Variants in PTPRD observed in about 807,000 individuals in gnomAD.
PTPRD encodes the protein receptor-type tyrosine-protein phosphatase delta.
A neutral mutation model predicts 214.5 loss-of-function variants in PTPRD; 34 were observed. The ratio of observed to expected loss-of-function variants is 0.16; its 90% confidence interval spans 0.12 to 0.21. The LOEUF is 0.21. Ranked by LOEUF, PTPRD falls within the 10% of genes least tolerant of loss-of-function variation. The pLI is 1.00. For missense variants in PTPRD, 2,545 were observed against 2,398.7 expected, an observed-to-expected ratio of 1.06 and a Z score of -1.27; for synonymous variants, 1,128 against 845.7, an observed-to-expected ratio of 1.33 and a Z score of -5.79.
intron 11 of PTPRD, among the ~76,000 whole-genome samples, chr9:8,900,285 T>A (rs2098657031): frequency 6.6e-6 from 1 of 152,226 alleles, no homozygotes; most frequent in Non-Finnish European, 1.5e-5. Context: ...CAACAGGTTA[T>A]CATACCATTA....
intron 4 of PTPRD, among the ~76,000 whole-genome samples, chr9:9,957,669 A>T (rs1320233382): frequency 6.6e-6 from 1 of 152,110 alleles, no homozygotes; most frequent in Non-Finnish European, 1.5e-5. Flanking sequence ...TTAACACAAT[A>T]TTAGTGATAC....
chr9:9,713,312 A>G (rs189112585), intron 7 of PTPRD, among the ~76,000 whole-genome samples: 30 of 152,292 alleles, frequency 2.0e-4, no homozygotes, highest in African/African-American at 6.3e-4. Context: ...TAGAATGGGG[A>G]AAGGGAATAT....
Position 8,644,333 on chromosome 9 carries a change from G to C in PTPRD, c.65-7489C>G, listed in dbSNP as rs1210500868. Reference sequence around the variant, plus strand: ...GAGACGGAGAGAAGATGCCCACTATGGGTCTCCTCTGAGCTTTCCTATTGC... The same window carrying C: ...GAGACGGAGAGAAGATGCCCACTATCGGTCTCCTCTGAGCTTTCCTATTGC... On this transcript the variant is annotated intron_variant, in intron 12 of 45. Coordinates refer to ENST00000381196, the MANE Select transcript of PTPRD (RefSeq NM_002839.4). 3.9e-5 allele frequency among the ~76,000 whole-genome samples: 6 copies of C among 152,080 alleles called. No individual in the cohort carries two copies. In the East Asian group the frequency reaches 7.7e-4, roughly 20 times the overall value.
intron 2 of PTPRD, among the ~76,000 whole-genome samples, chr9:10,360,542 A>G (rs902934561): frequency 5.9e-5 from 9 of 152,230 alleles, no homozygotes; most frequent in African/African-American, 2.2e-4. Flanking sequence ...GAGTTGTCAG[A>G]GAGTGTGAGA....
chr9:8,658,849 T>C (rs1308157955), intron 12 of PTPRD, among the ~76,000 whole-genome samples: 2 of 152,112 alleles, frequency 1.3e-5, no homozygotes, highest in Admixed American at 1.3e-4. Context: ...ACGGAATCCC[T>C]GATATATAAA....
intron 11 of PTPRD, among the ~76,000 whole-genome samples, chr9:8,841,139 G>A (rs1336196251): frequency 6.6e-6 from 1 of 152,110 alleles, no homozygotes; most frequent in Non-Finnish European, 1.5e-5. Flanking sequence ...TAATACTCCT[G>A]TGACCATCAA....
intron 11 of PTPRD, among the ~76,000 whole-genome samples, chr9:8,774,197 GGAT>G (rs2095362768): frequency 6.6e-6 from 1 of 152,050 alleles, no homozygotes; most frequent in African/African-American, 2.4e-5. Flanking sequence ...ATCTTAACTG[GGAT>G]GATACTTGCA....
intron 5 of PTPRD, among the ~76,000 whole-genome samples, chr9:9,808,910 A>G (rs1212665522): frequency 6.6e-6 from 1 of 151,718 alleles, no homozygotes; most frequent in African/African-American, 2.4e-5. Flanking sequence ...ATCTAAGCCT[A>G]ATGGTACATG....
chr9:8,775,896 T>C (rs2095452411), intron 11 of PTPRD, among the ~76,000 whole-genome samples: 1 of 151,772 alleles, frequency 6.6e-6, no homozygotes, highest in Non-Finnish European at 1.5e-5. Flanking sequence ...AACAATGATA[T>C]AAACTACTAT....
chr9:8,401,686 G>A (rs1465945186), intron 36 of PTPRD, among the ~76,000 whole-genome samples: 1 of 152,074 alleles, frequency 6.6e-6, no homozygotes, highest in Non-Finnish European at 1.5e-5. Context: ...TTCTCTCAGT[G>A]GAAGTAGGAT....
chr9:10,596,141 T>C (rs2076576228), intron 2 of PTPRD, among the ~76,000 whole-genome samples: 1 of 151,792 alleles, frequency 6.6e-6, no homozygotes, highest in South Asian at 2.1e-4. Flanking sequence ...GTTTCACAGA[T>C]GAGAAAATGG....
chr9:8,855,601 G>A (rs778380625), intron 11 of PTPRD, among the ~76,000 whole-genome samples: 5 of 151,968 alleles, frequency 3.3e-5, no homozygotes, highest in Non-Finnish European at 7.4e-5. Context: ...ATTACTGAGG[G>A]CTATAAGAAC....
chr9:8,804,457 G>T lies in PTPRD; in HGVS notation c.-103-70511C>A, dbSNP rs1471580960. Among the ~76,000 whole-genome samples, 3 of 151,920 alleles carry T rather than the reference G, an allele frequency of 2.0e-5. No homozygotes were observed. In the East Asian group the frequency reaches 5.8e-4, roughly 30 times the overall value. ...TACAAAAAAAAATAAAACTAGCCAGGCATGGTGGTGCATGCCTGTGGTCCC... is the reference window on the plus strand; with the variant it reads ...TACAAAAAAAAATAAAACTAGCCAGTCATGGTGGTGCATGCCTGTGGTCCC... On this transcript the variant is annotated intron_variant, in intron 11 of 45. Transcript: ENST00000381196.
At chr9:9,992,909 C>G (rs1298976427) in intron 4 of PTPRD, among the ~76,000 whole-genome samples, 5 of 151,960 alleles carry the variant, frequency 3.3e-5, no homozygotes, top group Non-Finnish European at 7.4e-5. Context: ...TGTTACAAAC[C>G]TGCACGTTGT....
chr9:10,381,913 C>A (rs774838683), intron 2 of PTPRD, among the ~76,000 whole-genome samples: 7 of 151,778 alleles, frequency 4.6e-5, no homozygotes, highest in Non-Finnish European at 8.8e-5. Flanking sequence ...ATATCTAAAC[C>A]CAAAGTTTAT....
intron 3 of PTPRD, among the ~76,000 whole-genome samples, chr9:10,208,493 G>T (rs553823325): frequency 2.6e-4 from 40 of 152,326 alleles, no homozygotes; most frequent in East Asian, 3.9e-4. Flanking sequence ...CAGCCTGGGC[G>T]ACAGAGCGAG....
intron 14 of PTPRD, among the ~76,000 whole-genome samples, chr9:8,624,050 G>C (rs1049884143): frequency 2.0e-5 from 3 of 151,776 alleles, no homozygotes; most frequent in Non-Finnish European, 4.4e-5. Context: ...TATCTAGTCT[G>C]TGACCTAGAT....
intron 9 of PTPRD, among the ~76,000 whole-genome samples, chr9:9,263,615 T>C (rs1236887600): frequency 6.6e-6 from 1 of 151,728 alleles, no homozygotes; most frequent in Non-Finnish European, 1.5e-5. Context: ...TTAATTAATA[T>C]GCCCTTCCTT....
In PTPRD at chr9:8,938,408, T is replaced by A. The variant is rs1394956593; in HGVS notation, c.-104+80289A>T. Among the ~76,000 whole-genome samples the A allele has an allele frequency of 8.5e-5, 13 of 152,076 alleles. 1 individual carries two copies. The highest frequency in any genetic ancestry group is 1.5e-5 in the Non-Finnish European group (1 of 68,004). ...CATTTAATGTAAGAGATGTGACATA[T>A]AATCACATAATAAATATAGCAATCA... is the stretch of plus-strand genomic sequence containing the variant. On this transcript the variant is annotated intron_variant, in intron 11 of 45. Transcript: ENST00000381196.
Sources: allele counts gnomAD v4.1 joint callset (sites outside exome capture counted in the v4.1 genomes callset), GRCh38; gene constraint gnomAD v4.1.1; transcripts MANE v1.5; gene names NCBI Gene and HGNC (gene_info 2026-07-23, HGNC 2026-07-21).